EXOC6: variants seen among roughly 807,000 people sequenced by gnomAD.
The protein encoded by EXOC6 is exocyst complex component 6, also known as SEC15-like 1.
In EXOC6, 60 loss-of-function variants were observed where a neutral mutation model predicts 112.5. The observed-to-expected ratio is 0.53, with a 90% confidence interval of 0.43 to 0.66. The LOEUF (loss-of-function observed/expected upper bound fraction) is 0.66. Ranked by LOEUF, EXOC6 falls within the 30% of genes least tolerant of loss-of-function variation. The pLI, the probability that EXOC6 is intolerant of heterozygous loss-of-function variation, is 0.00. For synonymous variants in EXOC6, 295 were observed against 308.0 expected (o/e 0.96, Z 0.44); for missense variants, 855 against 957.1 (o/e 0.89, Z 1.41).
At chr10:92,895,852 AC>A (rs1487002926) in intron 4 of EXOC6, among the ~76,000 whole-genome samples, 3 of 117,916 alleles carry the variant, frequency 2.5e-5, no homozygotes, top group African/African-American at 6.4e-5. Flanking sequence ...GAGCCACCAC[AC>A]CCGGCCTTTT....
intron 1 of EXOC6, among the ~76,000 whole-genome samples, chr10:92,872,185 CTGATA>C (rs890019872): frequency 3.9e-5 from 6 of 152,012 alleles, no homozygotes; most frequent in Non-Finnish European, 8.8e-5. Flanking sequence ...TCTACATGTT[CTGATA>C]TATCTTCCTT....
At chr10:93,044,824 T>A (rs1007686411) in intron 20 of EXOC6, among the ~76,000 whole-genome samples, 2 of 152,168 alleles carry the variant, frequency 1.3e-5, no homozygotes, top group Non-Finnish European at 2.9e-5. Context: ...AATAAGAGAA[T>A]AAGGTGCCTC....
intron 20 of EXOC6, among the ~76,000 whole-genome samples, chr10:93,034,660 G>C: frequency 6.6e-6 from 1 of 152,130 alleles, no homozygotes; most frequent in South Asian, 2.1e-4. Flanking sequence ...TCTGTCTTCT[G>C]TTTCTAATCT....
intron 18 of EXOC6, among the ~76,000 whole-genome samples, chr10:92,975,655 G>T (rs1173411159): frequency 1.5e-5 from 2 of 132,244 alleles, no homozygotes; most frequent in African/African-American, 5.7e-5. Context: ...CCCCGTCCGG[G>T]AGGTGAGGGG....
At chr10:92,855,550 A>T (rs545578058) in intron 1 of EXOC6, among the ~76,000 whole-genome samples, 2 of 152,040 alleles carry the variant, frequency 1.3e-5, no homozygotes, top group Admixed American at 1.3e-4. Flanking sequence ...CTTTGTTGGG[A>T]AGTTTTCGAT....
intron 20 of EXOC6, among the ~76,000 whole-genome samples, chr10:93,027,961 C>T (rs1288830189): frequency 6.6e-6 from 1 of 152,144 alleles, no homozygotes; most frequent in Non-Finnish European, 1.5e-5. Context: ...TGGGCAAAGT[C>T]AACTGAGAGC....
At chr10:93,049,083 A>G (rs141895840) in intron 20 of EXOC6, among the ~76,000 whole-genome samples, 191 of 150,684 alleles carry the variant, frequency 1.3e-3, no homozygotes, top group African/African-American at 4.5e-3. Context: ...TTTGAGGCAG[A>G]GTCTCGCTCT....
intron 18 of EXOC6, among the ~76,000 whole-genome samples, chr10:92,979,242 C>T (rs372144725): frequency 6.6e-6 from 1 of 152,190 alleles, no homozygotes; most frequent in Non-Finnish European, 1.5e-5. Flanking sequence ...CTCACTGCAG[C>T]CTCTGCCTCG....
intron 15 of EXOC6, among the ~76,000 whole-genome samples, chr10:92,954,134 G>A (rs1045636181): frequency 6.6e-6 from 1 of 151,988 alleles, no homozygotes; most frequent in Admixed American, 6.6e-5. Flanking sequence ...TTTGAAACTA[G>A]CTGGGCATGG....
chr10:93,047,707 G>A (rs1846066340), intron 20 of EXOC6, among the ~76,000 whole-genome samples: 1 of 152,100 alleles, frequency 6.6e-6, no homozygotes, highest in South Asian at 2.1e-4. Context: ...TAGCATTTTG[G>A]GAGGCCGAGG....
At chr10:93,056,807 A>G in intron 20 of EXOC6, 117 bp from the exon 21 acceptor site, 1 of 629,456 alleles carries the variant, frequency 1.6e-6, no homozygotes, top group East Asian at 3.1e-5. Context: ...GAATTTCCGT[A>G]TTCTGTTCCA....
At chr10:92,880,822 C>T (rs1848926582) in intron 1 of EXOC6, among the ~76,000 whole-genome samples, 1 of 151,712 alleles carries the variant, frequency 6.6e-6, no homozygotes, top group Non-Finnish European at 1.5e-5. Context: ...AAGTTTAGGA[C>T]AGCACCAAAA....
chr10:92,846,720 GT>G (rs1847065517), upstream of EXOC6, among the ~76,000 whole-genome samples: 1 of 152,190 alleles, frequency 6.6e-6, no homozygotes, highest in Non-Finnish European at 1.5e-5. Flanking sequence ...CCCTTCCTAA[GT>G]TTGGTAGGCA....
chr10:93,037,300 C>T (rs1210800922), intron 20 of EXOC6, among the ~76,000 whole-genome samples: 1 of 151,860 alleles, frequency 6.6e-6, no homozygotes, highest in Non-Finnish European at 1.5e-5. Context: ...CCACCACACC[C>T]AGCTGATTTT....
intron 19 of EXOC6, among the ~76,000 whole-genome samples, chr10:93,007,631 C>T (rs1196196247): frequency 1.3e-5 from 2 of 152,178 alleles, no homozygotes; most frequent in Non-Finnish European, 2.9e-5. Flanking sequence ...CCAGGCTGGA[C>T]AGCAGAGCGA....
intron 8 of EXOC6, among the ~76,000 whole-genome samples, chr10:92,924,801 C>A (rs1159632317): frequency 6.6e-6 from 1 of 151,930 alleles, no homozygotes; most frequent in East Asian, 1.9e-4. Context: ...ACATTGTACC[C>A]AATAGGTGAT....
intron 20 of EXOC6, among the ~76,000 whole-genome samples, chr10:93,017,734 G>A (rs1844596866): frequency 6.6e-6 from 1 of 152,036 alleles, no homozygotes; most frequent in Admixed American, 6.6e-5. Context: ...ATAAAAGGCT[G>A]GGCGTGGTGG....
At chr10:92,833,053 G>T (rs1393743076), upstream of EXOC6, among the ~76,000 whole-genome samples, 1 of 152,218 alleles carries the variant, frequency 6.6e-6, no homozygotes, top group Non-Finnish European at 1.5e-5. Flanking sequence ...TATTGGTGCT[G>T]CATTTGTTCC....
At chr10:92,868,737 T>A (rs1451280389) in intron 1 of EXOC6, among the ~76,000 whole-genome samples, 1 of 152,036 alleles carries the variant, frequency 6.6e-6, no homozygotes, top group Non-Finnish European at 1.5e-5. Flanking sequence ...CTTAAGATTA[T>A]GTGTAGGTGT....
Sources: gnomAD v4.1 joint callset for allele counts (sites outside exome capture counted in the v4.1 genomes callset) on GRCh38, gnomAD v4.1.1 for gene constraint, MANE v1.5 for transcripts, NCBI Gene and HGNC (gene_info 2026-07-23, HGNC 2026-07-21) for gene names.